LGSN: variants seen among roughly 807,000 people sequenced by gnomAD.
The protein encoded by LGSN is lengsin, lens protein with glutamine synthetase domain.
Under a neutral mutation model 19.5 loss-of-function variants are expected in LGSN, and 21 were observed. That is an observed-to-expected ratio of 1.07 (90% confidence interval 0.76 to 1.55). LGSN has a LOEUF of 1.55. LGSN is among the 40% of genes most tolerant of loss of function. The pLI is 0.00. For missense variants in LGSN, 673 were observed against 608.5 expected (o/e 1.11, Z -1.12); for synonymous variants, 257 against 215.6 (o/e 1.19, Z -1.68).
At chr6:63,553,447 C>T in the LGSN span, among the ~76,000 whole-genome samples, 3 of 152,164 alleles carry the variant, frequency 2.0e-5, no homozygotes, top group Admixed American at 6.6e-5. Context: ...TTATAAATAA[C>T]CAGTTACATG....
intron 2 of LGSN, among the ~76,000 whole-genome samples, chr6:63,293,334 A>G (rs1488683389): frequency 1.3e-5 from 2 of 152,156 alleles, no homozygotes; most frequent in East Asian, 3.9e-4. Flanking sequence ...CAGCATTTTA[A>G]TTCAAGTGAG....
chr6:63,568,703 G>C, the LGSN span, among the ~76,000 whole-genome samples: 2 of 151,606 alleles, frequency 1.3e-5, no homozygotes, highest in African/African-American at 4.8e-5. Flanking sequence ...ATGAAGGTAT[G>C]CCTGTATACT....
At chr6:63,313,390 C>T (rs1768709170) in intron 1 of LGSN, among the ~76,000 whole-genome samples, 1 of 152,062 alleles carries the variant, frequency 6.6e-6, no homozygotes, top group South Asian at 2.1e-4. Flanking sequence ...CTACACCCAG[C>T]AGGCACACAA....
the LGSN span, among the ~76,000 whole-genome samples, chr6:63,355,976 G>A: frequency 1.3e-5 from 2 of 152,026 alleles, no homozygotes; most frequent in Non-Finnish European, 2.9e-5. Context: ...ACTGGACCTC[G>A]CCAGTACTCT....
chr6:63,494,434 C>T, the LGSN span, among the ~76,000 whole-genome samples: 1 of 151,924 alleles, frequency 6.6e-6, no homozygotes, highest in Non-Finnish European at 1.5e-5. Context: ...GTAAGAGTGC[C>T]AAGAAATAAA....
chr6:63,534,638 T>C, the LGSN span, among the ~76,000 whole-genome samples: 1 of 151,906 alleles, frequency 6.6e-6, no homozygotes, highest in African/African-American at 2.4e-5. Context: ...CAAGACACCA[T>C]GTCTCTAAAA....
chr6:63,548,893 G>C, the LGSN span: 6 of 852,348 alleles, frequency 7.0e-6, no homozygotes, highest in African/African-American at 9.9e-5. Context: ...GAGTTAACCT[G>C]TATGAAGGCG....
At chr6:63,335,762 T>A in the LGSN span, among the ~76,000 whole-genome samples, 13 of 151,488 alleles carry the variant, frequency 8.6e-5, no homozygotes, top group Non-Finnish European at 8.8e-5. Context: ...TGGAAGTTTC[T>A]TAAAAAAAAA....
the LGSN span, among the ~76,000 whole-genome samples, chr6:63,514,910 C>A: frequency 6.6e-6 from 1 of 151,908 alleles, no homozygotes; most frequent in Admixed American, 6.6e-5. Flanking sequence ...CACCATGTTG[C>A]CCAGGCTGGT....
the LGSN span, among the ~76,000 whole-genome samples, chr6:63,330,375 A>C: frequency 3.3e-5 from 5 of 152,050 alleles, no homozygotes; most frequent in African/African-American, 1.2e-4. Context: ...CTTGGTCCCT[A>C]TTATAGAACA....
the LGSN span, among the ~76,000 whole-genome samples, chr6:63,408,350 G>C: frequency 7.9e-3 from 1,176 of 148,624 alleles, 18 homozygotes; most frequent in African/African-American, 0.028. Flanking sequence ...CAATGGAACA[G>C]AACAGAGCCC....
chr6:63,404,984 T>A, the LGSN span, among the ~76,000 whole-genome samples: 1 of 116,000 alleles, frequency 8.6e-6, no homozygotes, highest in African/African-American at 3.4e-5. Context: ...GTCCCCAGAG[T>A]GTGATATTCC....
chr6:63,345,458 T>C, the LGSN span, among the ~76,000 whole-genome samples: 10 of 152,208 alleles, frequency 6.6e-5, no homozygotes, highest in Non-Finnish European at 1.5e-4. Context: ...AATTCAAGAT[T>C]TGTAGTGTAT....
the LGSN span, among the ~76,000 whole-genome samples, chr6:63,558,408 T>C: frequency 6.6e-6 from 1 of 152,036 alleles, no homozygotes; most frequent in African/African-American, 2.4e-5. Context: ...CCAGACTCAA[T>C]AGAATGTGGT....
At chr6:63,549,444 C>T in the LGSN span, 6 of 783,502 alleles carry the variant, frequency 7.7e-6, no homozygotes, top group Non-Finnish European at 1.4e-5. Flanking sequence ...TCTTAACCTC[C>T]TGCTTCTTCA....
the LGSN span, among the ~76,000 whole-genome samples, chr6:63,526,803 GTATATATATATATATA>G: frequency 5.4e-4 from 55 of 101,440 alleles, no homozygotes; most frequent in African/African-American, 2.0e-3. Context: ...TCTCAAAAAT[GTATATATATATATATA>G]TATATATATA....
chr6:63,448,917 C>G, the LGSN span, among the ~76,000 whole-genome samples: 1 of 151,860 alleles, frequency 6.6e-6, no homozygotes, highest in Non-Finnish European at 1.5e-5. Context: ...AACAACATAA[C>G]AACAAAAAAT....
chr6:63,337,840 G>C, the LGSN span, among the ~76,000 whole-genome samples: 1 of 151,518 alleles, frequency 6.6e-6, no homozygotes, highest in East Asian at 1.9e-4. Flanking sequence ...ATAAGAGAAA[G>C]TTTGGTGATG....
the LGSN span, among the ~76,000 whole-genome samples, chr6:63,412,438 GAAAGCAAGAAAGAAAGAAAGAAAGAAAA>G: frequency 2.3e-5 from 3 of 128,934 alleles, no homozygotes; most frequent in African/African-American, 1.0e-4. Context: ...AAGAAAGAAA[GAAAGCAAGAAAGAAAGAAAGAAAGAAAA>G]AGAGAGAGAA....
Sources: gnomAD v4.1 joint callset for allele counts (sites outside exome capture counted in the v4.1 genomes callset) on GRCh38, gnomAD v4.1.1 for gene constraint, MANE v1.5 for transcripts, NCBI Gene and HGNC (gene_info 2026-07-23, HGNC 2026-07-21) for gene names.